HPSE2: variants seen among roughly 807,000 people sequenced by gnomAD.
HPSE2 encodes the protein inactive heparanase-2.
HPSE2 carries 38 observed loss-of-function variants against 60.5 expected under a neutral mutation model. The observed-to-expected ratio is 0.63, with a 90% CI of 0.48 to 0.82. The LOEUF (loss-of-function observed/expected upper bound fraction) is 0.82, where lower values mean the gene tolerates loss of function less well. Among genes scored for constraint, HPSE2 ranks in the 40% least tolerant of loss-of-function variants. The pLI is 0.00. For missense variants in HPSE2, 713 were observed against 740.4 expected (o/e 0.96, Z 0.43); for synonymous variants, 295 against 293.2 (o/e 1.01, Z -0.06).
intron 3 of HPSE2, among the ~76,000 whole-genome samples, chr10:98,855,250 A>G (rs1952283346): frequency 6.6e-6 from 1 of 152,176 alleles, no homozygotes; most frequent in African/African-American, 2.4e-5. Flanking sequence ...AGTCTCACAC[A>G]CAAAAGAGTT....
At chr10:99,234,792 T>C (rs781118248) in intron 1 of HPSE2, among the ~76,000 whole-genome samples, 2 of 151,916 alleles carry the variant, frequency 1.3e-5, no homozygotes, top group Non-Finnish European at 2.9e-5. Flanking sequence ...GCGAGGATTT[T>C]TTTTTTCCTT....
chr10:99,308,379 CAAA>C, the HPSE2 span, among the ~76,000 whole-genome samples: 6 of 28,134 alleles, frequency 2.1e-4, no homozygotes, highest in South Asian at 2.0e-3. Flanking sequence ...GACTCTGTCT[CAAA>C]AAAAAAAAAA....
intron 3 of HPSE2, among the ~76,000 whole-genome samples, chr10:98,998,236 C>T (rs1956694170): frequency 6.6e-6 from 1 of 152,236 alleles, no homozygotes; most frequent in Non-Finnish European, 1.5e-5. Context: ...TAAGGGACTA[C>T]AGTCAAATAC....
chr10:98,907,807 T>C (rs921023582), intron 3 of HPSE2, among the ~76,000 whole-genome samples: 9 of 140,420 alleles, frequency 6.4e-5, no homozygotes, highest in African/African-American at 1.7e-4. Context: ...TGAGATATGG[T>C]ATAAAAGTAT....
At chr10:98,703,717 A>G (rs1244260843) in intron 5 of HPSE2, among the ~76,000 whole-genome samples, 3 of 152,206 alleles carry the variant, frequency 2.0e-5, no homozygotes, top group Admixed American at 6.5e-5. Flanking sequence ...ATAAAAATCA[A>G]CATCTCTTCA....
chr10:99,183,000 A>G (rs529907622), intron 2 of HPSE2, among the ~76,000 whole-genome samples: 53 of 152,262 alleles, frequency 3.5e-4, no homozygotes, highest in African/African-American at 1.2e-3. Flanking sequence ...ATCAAAATAC[A>G]TAAAACAACA....
At chr10:99,127,970 A>C (rs914595572) in intron 3 of HPSE2, among the ~76,000 whole-genome samples, 1 of 150,308 alleles carries the variant, frequency 6.7e-6, no homozygotes, top group African/African-American at 2.4e-5. Flanking sequence ...AGCCAGCACT[A>C]CAAGAAATGC....
intron 2 of HPSE2, among the ~76,000 whole-genome samples, chr10:99,206,925 G>A (rs577029953): frequency 2.4e-4 from 37 of 152,126 alleles, no homozygotes; most frequent in African/African-American, 7.7e-4. Context: ...GCATCAAAAG[G>A]ACAAATTTTT....
chr10:98,831,064 A>G (rs1951672584), intron 3 of HPSE2, among the ~76,000 whole-genome samples: 1 of 152,108 alleles, frequency 6.6e-6, no homozygotes, highest in African/African-American at 2.4e-5. Flanking sequence ...ACCCCTCTGC[A>G]TTTCCTTATA....
chr10:98,703,490 CT>C (rs143480590), intron 5 of HPSE2, among the ~76,000 whole-genome samples: 108,282 of 151,702 alleles, frequency 0.71, 40,633 homozygotes, highest in South Asian at 0.95. Context: ...AAAAAGAAAA[CT>C]TCAGGCCAAT....
intron 3 of HPSE2, among the ~76,000 whole-genome samples, chr10:98,939,658 C>T (rs1256870106): frequency 7.0e-6 from 1 of 143,492 alleles, no homozygotes; most frequent in Non-Finnish European, 1.5e-5. Flanking sequence ...CCACTGTCAA[C>T]ATTAGACAGA....
In HPSE2 at chr10:98,482,693, T is replaced by C. The variant is rs960135212; in HGVS notation, c.1556A>G (p.Asp519Gly). Residue 519 changes from aspartate to glycine, a missense_variant, in exon 11 of 12, where the codon GAC becomes GGC. Asp to Gly is a moderately conservative substitution (Grantham distance 94). Coordinates refer to ENST00000370552, the MANE Select transcript of HPSE2 (RefSeq NM_021828.5). ...KKIKLAGTLR[D>G]KLVHQYLLQP... ...CAGCAGGTACTGGTGAACCAGCTTG[T>C]CTCTGAGAGTCCCAGCCAGCTTGAT... The C allele has an allele frequency of 1.2e-6, 2 of 1,614,094 alleles. No homozygotes were observed. Among genetic ancestry groups the C allele is most frequent in the Middle Eastern group, 1.6e-4 (1 of 6,084 alleles).
chr10:98,724,004 T>C (rs573378821), intron 4 of HPSE2, among the ~76,000 whole-genome samples: 4 of 152,334 alleles, frequency 2.6e-5, no homozygotes, highest in Admixed American at 6.5e-5. Context: ...TGCCTTTTGC[T>C]AGCTTTTGAA....
At chr10:98,925,881 G>C (rs1029839852) in intron 3 of HPSE2, among the ~76,000 whole-genome samples, 3 of 152,028 alleles carry the variant, frequency 2.0e-5, no homozygotes, top group Non-Finnish European at 4.4e-5. Context: ...CGCCAAGTTT[G>C]GGATATTAAA....
At chr10:98,865,349 C>A (rs537836129) in intron 3 of HPSE2, among the ~76,000 whole-genome samples, 1 of 152,148 alleles carries the variant, frequency 6.6e-6, no homozygotes, top group Admixed American at 6.5e-5. Flanking sequence ...GATAAAGTAA[C>A]AAGGACCAGA....
At chr10:99,236,205 G>T (rs1035165663), upstream of HPSE2, among the ~76,000 whole-genome samples, 1 of 151,784 alleles carries the variant, frequency 6.6e-6, no homozygotes, top group African/African-American at 2.4e-5. Flanking sequence ...GGAGAAAAGG[G>T]TGGCGTTGTA....
At chr10:98,697,987 A>C (rs1948278203) in intron 5 of HPSE2, among the ~76,000 whole-genome samples, 1 of 149,290 alleles carries the variant, frequency 6.7e-6, no homozygotes, top group African/African-American at 2.5e-5. Flanking sequence ...CAGATTCATA[A>C]AGCAAGTCCT....
At chr10:99,263,709 T>C in the HPSE2 span, among the ~76,000 whole-genome samples, 1 of 151,782 alleles carries the variant, frequency 6.6e-6, no homozygotes, top group Non-Finnish European at 1.5e-5. Flanking sequence ...CCCTCTACAC[T>C]CAACGCAGAT....
At chr10:98,836,467 A>G (rs1443806149) in intron 3 of HPSE2, among the ~76,000 whole-genome samples, 8 of 152,228 alleles carry the variant, frequency 5.3e-5, no homozygotes, top group Non-Finnish European at 1.2e-4. Context: ...ATTGACAAAA[A>G]GTAGGTTCTC....
Sources: gnomAD v4.1 joint callset for allele counts (sites outside exome capture counted in the v4.1 genomes callset) on GRCh38, gnomAD v4.1.1 for gene constraint, MANE v1.5 for transcripts, NCBI Gene and HGNC (gene_info 2026-07-23, HGNC 2026-07-21) for gene names.